The following HOMER2 variants were observed in gnomAD, a reference collection of about 807,000 sequenced individuals.
The protein encoded by HOMER2 is homer protein homolog 2.
In HOMER2, 27 loss-of-function variants were observed where a neutral mutation model predicts 47.0. That is an observed-to-expected ratio of 0.57 (90% CI 0.42 to 0.79). The LOEUF (loss-of-function observed/expected upper bound fraction) is 0.79. Among genes scored for constraint, HOMER2 ranks in the 30% least tolerant of loss-of-function variants. The probability of loss-of-function intolerance (pLI) is 0.00; values close to 1 mark genes in which losing one functional copy is unlikely to be tolerated. For synonymous variants in HOMER2, 161 were observed against 163.8 expected (o/e 0.98, Z 0.13); for missense variants, 443 against 435.0 (o/e 1.02, Z -0.16).
intron 2 of HOMER2, among the ~76,000 whole-genome samples, chr15:82,881,137 A>G (rs1288591456): frequency 6.6e-6 from 1 of 152,230 alleles, no homozygotes; most frequent in Non-Finnish European, 1.5e-5. Flanking sequence ...TTCTTGCGTG[A>G]GTCATCTCTA....
chr15:82,861,773 G>A (rs1283743370), intron 4 of HOMER2, among the ~76,000 whole-genome samples: 2 of 152,154 alleles, frequency 1.3e-5, no homozygotes, highest in East Asian at 3.9e-4. Context: ...ATGGGAGGCC[G>A]AGGCAGGCAG....
rs137922746 is a variant in HOMER2 at position 82,926,405 on chromosome 15, C to T, written c.5+26126G>A. 692 of 152,258 alleles carry T rather than the reference C, an allele frequency of 4.5e-3. 3 individuals are homozygous for T. Among genetic ancestry groups the T allele is most frequent in the Middle Eastern group, 0.01 (3 of 294 alleles). 9.4% of individuals were successfully genotyped at this position (152,258 alleles called of 1,614,324 possible). ...CAAAACTCATGTTGAAATTTAATTT[C>T]GACCAGGTGGGGTGGCTTACACTTG... On this transcript the variant is annotated intron_variant, in intron 1 of 8. Transcript: ENST00000450735.
downstream of HOMER2, chr15:82,844,561 GTC>G (rs929050659): frequency 1.1e-4 from 17 of 152,084 alleles, no homozygotes; most frequent in African/African-American, 4.1e-4. Flanking sequence ...ATAGAAAAAA[GTC>G]TGAAAAGATA....
chr15:82,915,105 C>T (rs1382591774), intron 1 of HOMER2, among the ~76,000 whole-genome samples: 2 of 146,452 alleles, frequency 1.4e-5, no homozygotes, highest in Non-Finnish European at 3.0e-5. Context: ...CCCAGGAATT[C>T]GAGGCTCAAC....
chr15:82,985,156 G>T (rs1396966988), intron 1 of HOMER2, among the ~76,000 whole-genome samples: 3 of 152,180 alleles, frequency 2.0e-5, no homozygotes, highest in Non-Finnish European at 2.9e-5. Flanking sequence ...TATGCATGAC[G>T]TACTTCACAG....
At chr15:82,912,452 G>A (rs965061497) in intron 1 of HOMER2, among the ~76,000 whole-genome samples, 9 of 152,180 alleles carry the variant, frequency 5.9e-5, no homozygotes, top group Admixed American at 5.2e-4. Context: ...ATAGCCCACT[G>A]TATGGATATA....
At chr15:82,915,992 T>G (rs190603612) in intron 1 of HOMER2, among the ~76,000 whole-genome samples, 8 of 152,350 alleles carry the variant, frequency 5.3e-5, no homozygotes, top group African/African-American at 1.7e-4. Context: ...TTCTGATTGA[T>G]TCTATACTTC....
chr15:82,894,892 G>A (rs1053801754), intron 1 of HOMER2, among the ~76,000 whole-genome samples: 4 of 151,622 alleles, frequency 2.6e-5, no homozygotes, highest in African/African-American at 9.7e-5. Context: ...GATTTTAGGC[G>A]AAGCAGTCTT....
intron 1 of HOMER2, among the ~76,000 whole-genome samples, chr15:82,964,434 C>T (rs986678363): frequency 6.6e-6 from 1 of 152,190 alleles, no homozygotes; most frequent in African/African-American, 2.4e-5. Flanking sequence ...CAAGCTGGAC[C>T]TATAATTAAT....
upstream of HOMER2, among the ~76,000 whole-genome samples, chr15:82,954,495 G>T (rs2054567356): frequency 6.7e-6 from 1 of 150,106 alleles, no homozygotes; most frequent in Admixed American, 6.6e-5. Context: ...GTAGAGACAG[G>T]GTTTCACCAT....
chr15:82,863,638 G>A (rs1186401553), intron 4 of HOMER2, among the ~76,000 whole-genome samples: 1 of 152,206 alleles, frequency 6.6e-6, no homozygotes, highest in East Asian at 1.9e-4. Context: ...AGGAAAGTGG[G>A]TGTGTTGATT....
intron 1 of HOMER2, among the ~76,000 whole-genome samples, chr15:82,928,232 G>A (rs1013362904): frequency 3.3e-5 from 5 of 152,184 alleles, no homozygotes; most frequent in African/African-American, 9.6e-5. Context: ...TCCCACTGGC[G>A]GCCACCGCAA....
rs201518346 is a variant in HOMER2, at chr15:82,852,107, C to T, written c.762+35G>A. ...GTGCCACCCCGCAAGGCCAAGAGGACGCCAAGGGGCCCTGCTCGGAGCACC... is the reference window on the plus strand; with the variant it reads ...GTGCCACCCCGCAAGGCCAAGAGGATGCCAAGGGGCCCTGCTCGGAGCACC... On this transcript the variant is annotated intron_variant, in intron 7 of 8. Transcript: ENST00000450735. 1.5e-4 allele frequency: 229 copies of T among 1,511,938 alleles called. 1 individual carries two copies. The African/African-American group carries it at 2.7e-3, about 18-fold the overall frequency. 93.7% of individuals were successfully genotyped at this position (1,511,938 alleles called of 1,614,324 possible). A position where few individuals can be genotyped will look rare whatever the true frequency, so the allele number is the denominator to read the frequency against.
At chr15:82,849,927 G>A (rs41310974) in intron 8 of HOMER2, 24 bp from the exon 9 acceptor site, 25 of 1,607,694 alleles carry the variant, frequency 1.6e-5, no homozygotes, top group Non-Finnish European at 1.6e-5. Context: ...AGGGAGAAGG[G>A]TCTAGAAAAC....
chr15:82,856,480 G>A (rs538806982), intron 5 of HOMER2, among the ~76,000 whole-genome samples: 78 of 152,208 alleles, frequency 5.1e-4, no homozygotes, highest in African/African-American at 1.8e-3. Flanking sequence ...TCAGCCAGGT[G>A]TGGTAGCGTG....
chr15:82,975,453 C>G (rs911740225), intron 1 of HOMER2, among the ~76,000 whole-genome samples: 4 of 152,154 alleles, frequency 2.6e-5, no homozygotes, highest in African/African-American at 7.2e-5. Flanking sequence ...AATTTGGAAG[C>G]AATCTAAGTG....
chr15:82,974,931 G>A (rs1200947916), intron 1 of HOMER2, among the ~76,000 whole-genome samples: 2 of 152,118 alleles, frequency 1.3e-5, no homozygotes, highest in Non-Finnish European at 2.9e-5. Context: ...TTAGCTGGGC[G>A]TGGTGGTGGG....
chr15:82,862,406 C>T lies in HOMER2; in HGVS notation c.387+1761G>A, dbSNP rs149929434. 8.7e-4 allele frequency among the ~76,000 whole-genome samples: 132 copies of T among 152,340 alleles called. 2 individuals carry two copies. In the East Asian group the frequency reaches 0.024, roughly 28 times the overall value. On this transcript the variant is annotated intron_variant, in intron 4 of 8. Coordinates refer to ENST00000450735, the MANE Select transcript of HOMER2 (RefSeq NM_004839.4). Reference sequence around the variant, plus strand: ...TACCTGGGAGGCCAAGGCAGGAAGACTACTCGAGCCCAGGGGCAGCACAGC... The same window carrying T: ...TACCTGGGAGGCCAAGGCAGGAAGATTACTCGAGCCCAGGGGCAGCACAGC...
At position 82,859,116 on chromosome 15, in the gene HOMER2, G is replaced by A. The variant is rs150399702; in HGVS notation, c.407C>T (p.Thr136Met). The change falls in exon 5 of 9, where the codon ACG becomes ATG. Residue 136 changes from threonine (T) to methionine (M), a missense_variant. By Grantham distance (81) the Thr-to-Met change is moderately conservative. Transcript: ENST00000450735. ...GGCGTGAGAGGCCTTTTCATCGTCC[G>A]TCCCGTTGACACTGGATGCCTGAGT... ...NHSQASSVNG[T>M]DDEKASHAGP... is the part of the protein sequence containing the mutation. 32 of 1,613,926 alleles carry A rather than the reference G, an allele frequency of 2.0e-5. No individual in the cohort carries two copies. The highest frequency in any genetic ancestry group is 1.7e-4 in the Middle Eastern group (1 of 6,060).
Sources: gnomAD v4.1 joint callset for allele counts (sites outside exome capture counted in the v4.1 genomes callset) on GRCh38, gnomAD v4.1.1 for gene constraint, MANE v1.5 for transcripts, NCBI Gene and HGNC (gene_info 2026-07-23, HGNC 2026-07-21) for gene names.